HS6ST2: variants seen among roughly 807,000 people sequenced by gnomAD.
HS6ST2 encodes heparan-sulfate 6-O-sulfotransferase 2.
HS6ST2 carries 17 observed loss-of-function variants against 33.0 expected under a neutral mutation model. The ratio of observed to expected loss-of-function variants is 0.52; its 90% CI spans 0.35 to 0.77. HS6ST2 has a LOEUF of 0.77. HS6ST2 is among the 30% of genes least tolerant of loss of function. The pLI, the probability that HS6ST2 is intolerant of heterozygous loss-of-function variation, is 0.01. For synonymous variants in HS6ST2, 248 were observed against 237.1 expected, an observed-to-expected ratio of 1.05 and a Z score of -0.42; for missense variants, 519 against 551.7, an observed-to-expected ratio of 0.94 and a Z score of 0.59.
chrX:132,747,620 C>A (rs1340105803), intron 2 of HS6ST2, among the ~76,000 whole-genome samples: 1 of 110,846 alleles, frequency 9.0e-6, no homozygotes, highest in Non-Finnish European at 1.9e-5. Flanking sequence ...GCAAGTCCCT[C>A]CCTCTCTGTG....
chrX:132,895,929 C>T (rs1303222731), intron 2 of HS6ST2, among the ~76,000 whole-genome samples: 4 of 110,944 alleles, frequency 3.6e-5, no homozygotes, highest in African/African-American at 1.3e-4. Context: ...AATACTGTCA[C>T]CAGGCAGATC....
intron 2 of HS6ST2, among the ~76,000 whole-genome samples, chrX:132,939,218 AAC>A (rs891273560): frequency 8.9e-6 from 1 of 111,799 alleles, no homozygotes; most frequent in Non-Finnish European, 1.9e-5. Context: ...GATTGTGGGG[AAC>A]ACACATCCAA....
chrX:132,848,412 A>G (rs1383254315), intron 2 of HS6ST2, among the ~76,000 whole-genome samples: 1 of 112,453 alleles, frequency 8.9e-6, no homozygotes, highest in African/African-American at 3.2e-5. Context: ...GGAAACAAAG[A>G]AAACTGTTTT....
At chrX:132,809,437 C>T (rs894476400) in intron 2 of HS6ST2, among the ~76,000 whole-genome samples, 4 of 111,893 alleles carry the variant, frequency 3.6e-5, no homozygotes, top group Admixed American at 2.9e-4. Flanking sequence ...TCAACAAATA[C>T]GTTTTGAGTA....
intron 2 of HS6ST2, among the ~76,000 whole-genome samples, chrX:132,794,890 C>T (rs952061424): frequency 9.1e-6 from 1 of 110,267 alleles, no homozygotes; most frequent in African/African-American, 3.3e-5. Context: ...TCGCAAGGTC[C>T]TTTCCACTGC....
At position 132,939,331 on chromosome X, in the gene HS6ST2, T is replaced by A. The variant is rs767311562; in HGVS notation, c.947+17477A>T. Among the ~76,000 whole-genome samples, 27 of 111,020 alleles carry A rather than the reference T, an allele frequency of 2.4e-4. No individual in the cohort carries two copies. The East Asian group carries it at 5.1e-3, about 21-fold the overall frequency. On this transcript the variant is annotated intron_variant, in intron 2 of 4. Transcript: ENST00000370833. ...GGCTGCAGCATACAAGATCAATATTTAAAAATTAACTGGCCGGGCACAGTG... is the reference window on the plus strand; with the variant it reads ...GGCTGCAGCATACAAGATCAATATTAAAAAATTAACTGGCCGGGCACAGTG...
At chrX:132,659,015 A>G (rs892701812) in intron 4 of HS6ST2, among the ~76,000 whole-genome samples, 1 of 111,702 alleles carries the variant, frequency 9.0e-6, no homozygotes, top group Non-Finnish European at 1.9e-5. Flanking sequence ...GATCCAAAAC[A>G]CTAGCTCCTG....
chrX:132,804,471 C>G (rs1431233631), intron 2 of HS6ST2, among the ~76,000 whole-genome samples: 2 of 111,572 alleles, frequency 1.8e-5, no homozygotes, highest in Admixed American at 9.5e-5. Context: ...CATCTCTAGC[C>G]ATACTCACTG....
At chrX:132,669,297 G>C in intron 3 of HS6ST2, 98 bp from the exon 4 acceptor site, 2 of 624,993 alleles carry the variant, frequency 3.2e-6, no homozygotes, top group Non-Finnish European at 4.8e-6. Context: ...AGGCCAGCCT[G>C]CATATCCCCC....
intron 3 of HS6ST2, among the ~76,000 whole-genome samples, chrX:132,696,710 T>C (rs1406767720): frequency 9.0e-6 from 1 of 111,446 alleles, no homozygotes; most frequent in African/African-American, 3.3e-5. Context: ...CTCCCATTAT[T>C]TTACTGCAGT....
intron 2 of HS6ST2, among the ~76,000 whole-genome samples, chrX:132,837,369 G>T (rs774939443): frequency 9.1e-5 from 10 of 109,913 alleles, no homozygotes; most frequent in Admixed American, 2.9e-4. Context: ...GTAAATAGAC[G>T]CCATTCACGT....
chrX:132,825,591 G>A (rs1243670924), intron 2 of HS6ST2, among the ~76,000 whole-genome samples: 3 of 111,564 alleles, frequency 2.7e-5, no homozygotes, highest in Non-Finnish European at 5.6e-5. Context: ...CAACTTTCTG[G>A]ATGTGTGACC....
In HS6ST2 at chrX:132,900,155, T is replaced by C. The variant is rs188435573; in HGVS notation, c.947+56653A>G. 2.3e-4 allele frequency among the ~76,000 whole-genome samples: 26 copies of C among 111,887 alleles called. 1 individual carries two copies. Among genetic ancestry groups the C allele is most frequent in the African/African-American group, 4.9e-4 (15 of 30,887 alleles). On this transcript the variant is annotated intron_variant, in intron 2 of 4. Coordinates refer to ENST00000370833, the MANE Select transcript of HS6ST2 (RefSeq NM_001394073.1). Reference sequence around the variant, plus strand: ...CTTGTTTTTCTTCTGCAGATGATCATACCAACTGCAAGTAATGATAGTTTT... The same window carrying C: ...CTTGTTTTTCTTCTGCAGATGATCACACCAACTGCAAGTAATGATAGTTTT...
In HS6ST2 at chrX:132,839,488, A is replaced by T. The variant is rs190326876; in HGVS notation, c.947+117320T>A. On this transcript the variant is annotated intron_variant, in intron 2 of 4. Transcript: ENST00000370833. The stretch of plus-strand genomic sequence containing the variant: ...CGTTGTCACTTATAAGTGGGCACTA[A>T]ATAATGTGCACACATGCACATAGAG... 8.4e-3 allele frequency among the ~76,000 whole-genome samples: 914 copies of T among 108,884 alleles called. 2 individuals are homozygous for T. The highest frequency in any genetic ancestry group is 0.034 in the Middle Eastern group (7 of 204). 94.6% of individuals were successfully genotyped at this position (108,884 alleles called of 115,157 possible).
At chrX:132,839,156 T>C (rs1014528907) in intron 2 of HS6ST2, among the ~76,000 whole-genome samples, 6 of 105,313 alleles carry the variant, frequency 5.7e-5, no homozygotes, top group Non-Finnish European at 7.8e-5. Context: ...AAGAAATCAT[T>C]ATATCAAAAA....
intron 4 of HS6ST2, among the ~76,000 whole-genome samples, chrX:132,629,809 G>A (rs1051863091): frequency 3.6e-5 from 4 of 111,811 alleles, no homozygotes; most frequent in Non-Finnish European, 7.5e-5. Context: ...GCTGCCAATG[G>A]CATGTATGCA....
At chrX:132,802,537 A>T (rs778684001) in intron 2 of HS6ST2, among the ~76,000 whole-genome samples, 1 of 111,325 alleles carries the variant, frequency 9.0e-6, no homozygotes, top group South Asian at 3.8e-4. Context: ...AAACTATGAG[A>T]TTCTACAAAC....
chrX:132,943,139 G>GT (rs1422374791), intron 2 of HS6ST2, among the ~76,000 whole-genome samples: 4 of 111,910 alleles, frequency 3.6e-5, no homozygotes, highest in Non-Finnish European at 7.5e-5. Flanking sequence ...TTTAAAAGGT[G>GT]TTTTTTTAAA....
intron 4 of HS6ST2, among the ~76,000 whole-genome samples, chrX:132,633,077 CAAAAA>C (rs140506922): frequency 1.7e-4 from 11 of 64,834 alleles, no homozygotes; most frequent in African/African-American, 4.6e-4. Context: ...GACTCCATCT[CAAAAA>C]AAAAAAAAAA....
Sources: gnomAD v4.1 joint callset for allele counts (sites outside exome capture counted in the v4.1 genomes callset) on GRCh38, gnomAD v4.1.1 for gene constraint, MANE v1.5 for transcripts, NCBI Gene and HGNC (gene_info 2026-07-23, HGNC 2026-07-21) for gene names.